Variants in COL25A1 observed in about 807,000 individuals in gnomAD.
COL25A1 encodes the protein collagen type XXV alpha 1 chain.
Under a neutral mutation model 128.4 loss-of-function variants are expected in COL25A1, and 103 were observed. The ratio of observed to expected loss-of-function variants is 0.80; its 90% CI spans 0.68 to 0.94. The LOEUF is 0.94. COL25A1 is among the 40% of genes least tolerant of loss of function. COL25A1 has a pLI of 0.00. For synonymous variants in COL25A1, 279 were observed against 277.2 expected (o/e 1.01, Z -0.06); for missense variants, 745 against 840.0 (o/e 0.89, Z 1.40).
intron 3 of COL25A1, among the ~76,000 whole-genome samples, chr4:109,077,438 C>A (rs538092609): frequency 5.4e-4 from 82 of 152,114 alleles, no homozygotes; most frequent in African/African-American, 1.8e-3. Context: ...CCACCACCCC[C>A]CCGCCCCCAA....
chr4:108,996,928 T>A (rs146307508), intron 6 of COL25A1, among the ~76,000 whole-genome samples: 1 of 152,082 alleles, frequency 6.6e-6, no homozygotes, highest in Non-Finnish European at 1.5e-5. Flanking sequence ...TTGAAACCAA[T>A]GAGAACAAAG....
At chr4:109,290,726 T>C (rs1278485425) in intron 3 of COL25A1, among the ~76,000 whole-genome samples, 2 of 152,072 alleles carry the variant, frequency 1.3e-5, no homozygotes, top group Non-Finnish European at 1.5e-5. Context: ...AGAATTGTCT[T>C]GGACCACACA....
chr4:109,073,147 G>A (rs903278900), intron 3 of COL25A1, among the ~76,000 whole-genome samples: 1 of 152,106 alleles, frequency 6.6e-6, no homozygotes, highest in Non-Finnish European at 1.5e-5. Flanking sequence ...ATGTGTGTGT[G>A]GGGGAGGGGC....
rs1746013626 is a variant in COL25A1, at chr4:108,926,024, T to C, written c.709-5420A>G. 5.3e-5 allele frequency among the ~76,000 whole-genome samples: 8 copies of C among 152,230 alleles called. No individual in the cohort carries two copies. The South Asian group carries it at 1.7e-3, about 31-fold the overall frequency. ...GAAAAGAATGACTCTGTGACCATTA[T>C]GTGTTGGCTGTACTTTCCAGTTTGT... On this transcript the variant is annotated intron_variant, in intron 11 of 37. Coordinates refer to ENST00000399132, the MANE Select transcript of COL25A1 (RefSeq NM_198721.4).
At chr4:108,996,308 AAAGG>A (rs1754767307) in intron 6 of COL25A1, among the ~76,000 whole-genome samples, 1 of 150,766 alleles carries the variant, frequency 6.6e-6, no homozygotes, top group Admixed American at 6.6e-5. Flanking sequence ...AAAAAAAAAA[AAAGG>A]AGGGGTTGCA....
intron 3 of COL25A1, among the ~76,000 whole-genome samples, chr4:109,283,416 TTTTTTC>T (rs1252169155): frequency 3.3e-5 from 5 of 152,230 alleles, no homozygotes; most frequent in African/African-American, 9.6e-5. Context: ...CAGGCTAATT[TTTTTTC>T]TTTTTCTTTT....
intron 5 of COL25A1, among the ~76,000 whole-genome samples, chr4:109,039,342 A>AT (rs1159287978): frequency 6.6e-6 from 1 of 151,948 alleles, no homozygotes; most frequent in South Asian, 2.1e-4. Flanking sequence ...TCCAATCTCT[A>AT]TTTTTACTAG....
At chr4:109,057,049 A>G (rs1176689795) in intron 3 of COL25A1, among the ~76,000 whole-genome samples, 2 of 152,072 alleles carry the variant, frequency 1.3e-5, no homozygotes, top group South Asian at 2.1e-4. Flanking sequence ...TTGTAGAGAC[A>G]AGGTCTCACT....
intron 5 of COL25A1, among the ~76,000 whole-genome samples, chr4:109,029,420 T>C (rs992648260): frequency 5.3e-5 from 8 of 152,212 alleles, no homozygotes; most frequent in Non-Finnish European, 1.2e-4. Flanking sequence ...TCTCACCATG[T>C]AGGCATTTTG....
intron 3 of COL25A1, among the ~76,000 whole-genome samples, chr4:109,285,532 G>T (rs903745084): frequency 6.6e-6 from 1 of 152,122 alleles, no homozygotes; most frequent in Non-Finnish European, 1.5e-5. Flanking sequence ...GTTGTCCCTT[G>T]GAGACAACAT....
At chr4:109,031,206 G>A (rs959991657) in intron 5 of COL25A1, among the ~76,000 whole-genome samples, 3 of 152,162 alleles carry the variant, frequency 2.0e-5, no homozygotes, top group African/African-American at 7.2e-5. Flanking sequence ...CCACCTCCCG[G>A]GTCCACGCCA....
chr4:109,033,436 C>T (rs1759055125), intron 5 of COL25A1, among the ~76,000 whole-genome samples: 1 of 152,216 alleles, frequency 6.6e-6, no homozygotes, highest in African/African-American at 2.4e-5. Context: ...CCCTTGTTTG[C>T]ACAGTCATGT....
chr4:108,992,529 T>G (rs759149168), intron 6 of COL25A1, among the ~76,000 whole-genome samples: 1 of 152,186 alleles, frequency 6.6e-6, no homozygotes, highest in Admixed American at 6.6e-5. Flanking sequence ...TTTTCTATGA[T>G]AGTCCCAAGA....
At chr4:109,206,116 G>A (rs1450450011) in intron 3 of COL25A1, among the ~76,000 whole-genome samples, 2 of 152,070 alleles carry the variant, frequency 1.3e-5, no homozygotes, top group East Asian at 1.9e-4. Flanking sequence ...AAGATTAATA[G>A]ACAGCAACTT....
intron 19 of COL25A1, among the ~76,000 whole-genome samples, chr4:108,883,578 T>C (rs963479205): frequency 6.8e-6 from 1 of 146,704 alleles, no homozygotes; most frequent in Non-Finnish European, 1.5e-5. Flanking sequence ...TTAACATTTT[T>C]AAGTGGTTTA....
chr4:109,133,081 C>G (rs773110259), intron 3 of COL25A1, among the ~76,000 whole-genome samples: 4 of 151,966 alleles, frequency 2.6e-5, no homozygotes, highest in Non-Finnish European at 5.9e-5. Flanking sequence ...AATTAGAACA[C>G]CATCTACTAC....
At chr4:108,825,344 A>G in intron 33 of COL25A1, 122 bp from the exon 34 acceptor site, 1 of 784,358 alleles carries the variant, frequency 1.3e-6, no homozygotes, top group East Asian at 2.5e-5. Flanking sequence ...GAAATGTGAA[A>G]AAGATTCTCA....
intron 3 of COL25A1, among the ~76,000 whole-genome samples, chr4:109,148,418 G>A (rs1771157880): frequency 6.6e-6 from 1 of 152,072 alleles, no homozygotes; most frequent in Non-Finnish European, 1.5e-5. Flanking sequence ...CTTTACAAAG[G>A]AACCTCAAGT....
intron 6 of COL25A1, among the ~76,000 whole-genome samples, chr4:108,975,145 G>C (rs1450656050): frequency 6.6e-6 from 1 of 152,162 alleles, no homozygotes; most frequent in Non-Finnish European, 1.5e-5. Flanking sequence ...GGAGTTTCTA[G>C]GTCTTGGCTA....
Sources: gnomAD v4.1 joint callset for allele counts (sites outside exome capture counted in the v4.1 genomes callset) on GRCh38, gnomAD v4.1.1 for gene constraint, MANE v1.5 for transcripts, NCBI Gene and HGNC (gene_info 2026-07-23, HGNC 2026-07-21) for gene names.